Variants in ZNF43 observed in about 807,000 individuals in gnomAD.
ZNF43 encodes the protein zinc finger protein 43.
In ZNF43, 44 loss-of-function variants were observed where a neutral mutation model predicts 68.4. That is an observed-to-expected ratio of 0.64 (90% CI 0.51 to 0.83). The LOEUF is 0.83. Ranked by LOEUF, ZNF43 falls within the 40% of genes least tolerant of loss-of-function variation. The pLI is 0.00. For missense variants in ZNF43, 896 were observed against 933.2 expected (o/e 0.96, Z 0.52); for synonymous variants, 308 against 307.8 (o/e 1.00, Z -0.01).
At chr19:21,828,150 G>C (rs1161184218) in intron 1 of ZNF43, among the ~76,000 whole-genome samples, 1 of 152,136 alleles carries the variant, frequency 6.6e-6, no homozygotes, top group Non-Finnish European at 1.5e-5. Context: ...CTTTTCTTTG[G>C]ATATTAGATA....
At chr19:21,851,846 G>C (rs1026342060) in intron 1 of ZNF43, 30 of 1,518,756 alleles carry the variant, frequency 2.0e-5, no homozygotes, top group Non-Finnish European at 2.6e-5. Context: ...GAGGAGGCCG[G>C]TCCCGCCACT....
At position 21,816,455 on chromosome 19, in the gene ZNF43, C is replaced by T. The variant is rs181279351; in HGVS notation, c.229+1433G>A. On this transcript the variant is annotated intron_variant, in intron 3 of 3. Coordinates refer to ENST00000354959, the MANE Select transcript of ZNF43 (RefSeq NM_003423.4). ...AGGCTCTCATTCAGGTGGCAAACTA[C>T]GGGACCCCTGTTCTTAACTACAGAC... 1.3e-3 allele frequency among the ~76,000 whole-genome samples: 204 copies of T among 152,186 alleles called. 1 individual carries two copies. Among genetic ancestry groups the T allele is most frequent in the African/African-American group, 4.4e-3 (182 of 41,536 alleles).
chr19:21,810,794 T>C (rs2037236858), intron 3 of ZNF43, among the ~76,000 whole-genome samples: 1 of 151,544 alleles, frequency 6.6e-6, no homozygotes. Context: ...CAAATAATAA[T>C]AAAAAATTAG....
At chr19:21,810,203 C>T (rs2037210035) in intron 3 of ZNF43, among the ~76,000 whole-genome samples, 1 of 152,148 alleles carries the variant, frequency 6.6e-6, no homozygotes, top group East Asian at 1.9e-4. Context: ...TTATTTTGCT[C>T]ACAATTTGGC....
upstream of ZNF43, chr19:21,841,121 C>A (rs992531802): frequency 6.6e-6 from 1 of 152,220 alleles, no homozygotes; most frequent in South Asian, 2.1e-4. Flanking sequence ...AGACTTTATA[C>A]AAAATGTGAA....
chr19:21,814,901 T>C (rs1466590065), intron 3 of ZNF43, among the ~76,000 whole-genome samples: 1 of 151,958 alleles, frequency 6.6e-6, no homozygotes, highest in East Asian at 1.9e-4. Context: ...AAATCTGGTA[T>C]GCAAGGCCAG....
Position 21,807,672 on chromosome 19 carries a change from G to C in ZNF43, c.2365C>G (p.Leu789Val), listed in dbSNP as rs149837414. 8.8e-5 allele frequency: 141 copies of C among 1,603,366 alleles called. No individual in the cohort carries two copies. The highest frequency in any genetic ancestry group is 1.7e-4 in the Admixed American group (10 of 58,338). ...ACTGTCACATCTTCAGGTTTGTAGA[G>C]TTTCTCTCCAGTATGAATTTTGTTA... Reference protein sequence around the residue: ...THNKIHTGEKLYKPEDVTVIL... With the variant: ...THNKIHTGEKVYKPEDVTVIL... The change falls in exon 4 of 4, where the codon CTC (leucine) becomes GTC (valine). Residue 789 changes from leucine to valine, a missense_variant. Coordinates refer to ENST00000354959, the MANE Select transcript of ZNF43 (RefSeq NM_003423.4).
chr19:21,844,823 G>GC (rs1967793402), intron 1 of ZNF43, among the ~76,000 whole-genome samples: 1 of 142,278 alleles, frequency 7.0e-6, no homozygotes, highest in South Asian at 2.3e-4. Flanking sequence ...CATGAACCCA[G>GC]CAGGTGGAGC....
intron 1 of ZNF43, among the ~76,000 whole-genome samples, chr19:21,832,610 G>A (rs1025136076): frequency 1.1e-5 from 1 of 88,472 alleles, no homozygotes; most frequent in Non-Finnish European, 2.3e-5. Context: ...CCAGCCAGGC[G>A]CAGTGGCTCA....
chr19:21,824,732 T>TAAAAAAAAAAAAAAAAAAAA (rs34739856), intron 1 of ZNF43, among the ~76,000 whole-genome samples: 3 of 107,248 alleles, frequency 2.8e-5, no homozygotes, highest in African/African-American at 9.6e-5. Flanking sequence ...TATGTTTACC[T>TAAAAAAAAAAAAAAAAAAAA]AAAAAAAAAA....
chr19:21,829,063 A>AT (rs2038293804), intron 1 of ZNF43, among the ~76,000 whole-genome samples: 1 of 137,248 alleles, frequency 7.3e-6, no homozygotes, highest in Non-Finnish European at 1.6e-5. Flanking sequence ...AAAAAAAAAA[A>AT]AATTAGCCGG....
intron 3 of ZNF43, among the ~76,000 whole-genome samples, chr19:21,811,224 T>A (rs150786297): frequency 3.3e-5 from 5 of 152,264 alleles, no homozygotes; most frequent in East Asian, 3.9e-4. Flanking sequence ...TTCACAATTT[T>A]AAAATTTGAT....
rs74174041 is a variant in ZNF43 at position 21,806,169 on chromosome 19, C to CTTTTTTTTTTTTTTTTTTT, written c.*1437_*1438insAAAAAAAAAAAAAAAAAAA. 1 of 126,122 alleles carries CTTTTTTTTTTTTTTTTTTT rather than the reference C, an allele frequency of 7.9e-6. No individual in the cohort carries two copies. 7.8% of individuals were successfully genotyped at this position (126,122 alleles called of 1,614,324 possible). A position where few individuals can be genotyped will look rare whatever the true frequency, so the allele number is the denominator to read the frequency against. The stretch of plus-strand genomic sequence containing the variant: ...CTCCAGTTACATTTTCATCACGCAT[C>CTTTTTTTTTTTTTTTTTTT]TTTTTTTTTTTTTTTTTTCTTTTTG... On this transcript the variant is annotated 3_prime_UTR_variant, in exon 4 of 4. Transcript: ENST00000354959.
At chr19:21,842,494 T>G (rs1967614263) in intron 1 of ZNF43, among the ~76,000 whole-genome samples, 1 of 150,960 alleles carries the variant, frequency 6.6e-6, no homozygotes, top group South Asian at 2.1e-4. Context: ...CATCACCTTG[T>G]TACTAGGTCA....
chr19:21,844,347 CA>C (rs57500822), intron 1 of ZNF43, among the ~76,000 whole-genome samples: 2,711 of 43,012 alleles, frequency 0.063, 25 homozygotes, highest in African/African-American at 0.13. Flanking sequence ...GACTCTGTCT[CA>C]AAAAAAAAAA....
chr19:21,847,005 G>A (rs750987207), intron 1 of ZNF43, among the ~76,000 whole-genome samples: 3 of 152,194 alleles, frequency 2.0e-5, no homozygotes, highest in Non-Finnish European at 4.4e-5. Context: ...GGTGCTGGGC[G>A]TAGCAATATG....
At chr19:21,839,080 A>G (rs1243564704), upstream of ZNF43, 1 of 152,144 alleles carries the variant, frequency 6.6e-6, no homozygotes, top group Non-Finnish European at 1.5e-5. Flanking sequence ...AATATATCAC[A>G]ATACCCAAAT....
chr19:21,812,102 T>C (rs912454307), intron 3 of ZNF43: 3 of 397,226 alleles, frequency 7.6e-6, no homozygotes, highest in Admixed American at 4.4e-5. Context: ...TGATATTCCT[T>C]AATATTCATA....
chr19:21,819,220 C>T lies in ZNF43; in HGVS notation c.5G>A (p.Gly2Glu). The change falls in exon 2 of 4, where the codon GGA (glycine) becomes GAA (glutamate). Residue 2 changes from glycine to glutamate, a missense_variant and splice_region_variant. Gly to Glu is a moderately conservative substitution (Grantham distance 98, BLOSUM62 -2). Transcript: ENST00000354959. Reference sequence around the variant, plus strand: ...GGCCACATCCATAAATGTCAATGGTCCCTAAAAAAAACAACACATACACAC... The same window carrying T: ...GGCCACATCCATAAATGTCAATGGTTCCTAAAAAAAACAACACATACACAC... M[G>E]PLTFMDVAIE... 3 of 1,587,636 alleles carry T rather than the reference C, an allele frequency of 1.9e-6. No homozygotes were observed. The South Asian group carries it at 3.5e-5, about 18-fold the overall frequency.
Sources: allele counts gnomAD v4.1 joint callset (sites outside exome capture counted in the v4.1 genomes callset), GRCh38; gene constraint gnomAD v4.1.1; transcripts MANE v1.5; gene names NCBI Gene and HGNC (gene_info 2026-07-23, HGNC 2026-07-21).